LPAR5: variants seen among roughly 807,000 people sequenced by gnomAD.
LPAR5 encodes G protein-coupled receptor 92.
For synonymous variants in LPAR5, 271 were observed against 261.6 expected (o/e 1.04, Z -0.35); for missense variants, 544 against 521.8 (o/e 1.04, Z -0.41).
chr12:6,627,731 G>A (rs1041026622), intron 1 of LPAR5, among the ~76,000 whole-genome samples: 19 of 151,878 alleles, frequency 1.3e-4, no homozygotes, highest in Non-Finnish European at 1.6e-4. Flanking sequence ...GGGTGGGAGC[G>A]CACCTTGCAG....
At chr12:6,629,668 C>T (rs1158480369) in intron 1 of LPAR5, among the ~76,000 whole-genome samples, 6 of 144,962 alleles carry the variant, frequency 4.1e-5, no homozygotes, top group African/African-American at 7.7e-5. Context: ...AGTGAGACTC[C>T]GTCAAAAAAA....
intron 1 of LPAR5, among the ~76,000 whole-genome samples, chr12:6,632,234 G>C (rs1211258922): frequency 6.6e-6 from 1 of 152,106 alleles, no homozygotes; most frequent in Non-Finnish European, 1.5e-5. Context: ...GCCACCCAAA[G>C]TGCTGGAATT....
intron 1 of LPAR5, among the ~76,000 whole-genome samples, chr12:6,630,418 C>T (rs1948973576): frequency 1.5e-5 from 2 of 130,342 alleles, no homozygotes; most frequent in Non-Finnish European, 1.6e-5. Flanking sequence ...GAGTGAACCA[C>T]TGCACCCAGC....
intron 1 of LPAR5, among the ~76,000 whole-genome samples, chr12:6,623,544 A>G (rs1948911705): frequency 6.6e-6 from 1 of 151,492 alleles, no homozygotes. Flanking sequence ...AAAAAATGAG[A>G]GAGAGAGAGA....
Position 6,620,763 on chromosome 12 carries a change from G to C in LPAR5, c.486C>G (p.Pro162=), listed in dbSNP as rs1948887522. 1 of 1,591,698 alleles carries C rather than the reference G, an allele frequency of 6.3e-7. No individual in the cohort carries two copies. Among genetic ancestry groups the C allele is most frequent in the Admixed American group, 1.7e-5 (1 of 57,188 alleles). ...CGAGGTCCCGGTAGCGGCAACGCGA[G>C]GGCCTGTGCACGCGGGCGGCGGGCA... ...FAVPAARVHR[P]SRCRYRDLEV... is the part of the protein sequence containing the mutation. The change falls in exon 2 of 2, where the codon CCC becomes CCG. Residue 162 remains proline, a synonymous_variant. Transcript: ENST00000329858. This position sits in a 1 kb window ranked among gnomAD's most constrained non-coding sequence, Gnocchi z 6.8.
intron 1 of LPAR5, among the ~76,000 whole-genome samples, chr12:6,624,457 G>A (rs1948919601): frequency 6.6e-6 from 1 of 151,334 alleles, no homozygotes; most frequent in Non-Finnish European, 1.5e-5. Context: ...TTCAGCTTCT[G>A]GTTCTAGTCT....
intron 1 of LPAR5, among the ~76,000 whole-genome samples, chr12:6,628,300 C>A (rs1223364591): frequency 6.6e-6 from 1 of 152,088 alleles, no homozygotes; most frequent in African/African-American, 2.4e-5. Flanking sequence ...GGATTACAGG[C>A]GTGAGCCACC....
In LPAR5 at chr12:6,631,751, C is replaced by G. The variant is rs551886681; in HGVS notation, c.-217+4156G>C. ...GTGCAATCATGATCATTCCCTCACT[C>G]TCCTCCACACACCCTGCCCTGGTAT... is the stretch of plus-strand genomic sequence containing the variant. On this transcript the variant is annotated intron_variant, in intron 1 of 1. Coordinates refer to ENST00000329858, the MANE Select transcript of LPAR5 (RefSeq NM_020400.6). 5 of 152,342 alleles carry G rather than the reference C, an allele frequency of 3.3e-5. No individual in the cohort carries two copies. In the East Asian group the frequency reaches 9.7e-4, roughly 29 times the overall value. The allele number at this position is 152,342 out of a possible 1,614,324, so 9.4% of individuals were successfully genotyped here.
rs1458158623 is a variant in LPAR5 at position 6,620,542 on chromosome 12, A to C, written c.707T>G (p.Leu236Arg). 3.8e-6 allele frequency: 6 copies of C among 1,567,156 alleles called. No homozygotes were observed. The highest frequency in any genetic ancestry group is 1.4e-5 in the African/African-American group (1 of 73,820). ...CAGGAAGATGACGAGGTTAGCCAGCAGGAGGCGCACGGTCTTCCGCCGCCG... is the reference window on the plus strand; with the variant it reads ...CAGGAAGATGACGAGGTTAGCCAGCCGGAGGCGCACGGTCTTCCGCCGCCG... ...SQRRRKTVRL[L>R]LANLVIFLLC... Residue 236 changes from leucine to arginine, a missense_variant, in exon 2 of 2, where the codon CTG becomes CGG. By Grantham distance (102) the Leu-to-Arg change is moderately radical. Coordinates refer to ENST00000329858, the MANE Select transcript of LPAR5 (RefSeq NM_020400.6). This position sits in a 1 kb window ranked among gnomAD's most constrained non-coding sequence, Gnocchi z 6.8.
intron 1 of LPAR5, among the ~76,000 whole-genome samples, chr12:6,634,162 T>C (rs1048231500): frequency 1.3e-5 from 2 of 152,154 alleles, no homozygotes; most frequent in Admixed American, 6.5e-5. Context: ...CGTGCCACCG[T>C]GCCCAACTAA....
chr12:6,625,023 T>C (rs1416128685), intron 1 of LPAR5, among the ~76,000 whole-genome samples: 1 of 152,232 alleles, frequency 6.6e-6, no homozygotes, highest in Non-Finnish European at 1.5e-5. Context: ...CTTTTGGCTA[T>C]TGTGAATAAT....
chr12:6,629,195 G>A, intron 1 of LPAR5, among the ~76,000 whole-genome samples: 1 of 150,648 alleles, frequency 6.6e-6, no homozygotes, highest in African/African-American at 2.4e-5. Flanking sequence ...GGCCAACATG[G>A]TGAAACCTCA....
At chr12:6,624,407 A>G (rs748936575) in intron 1 of LPAR5, among the ~76,000 whole-genome samples, 3 of 152,228 alleles carry the variant, frequency 2.0e-5, no homozygotes, top group Non-Finnish European at 2.9e-5. Context: ...ACCAAGCAAC[A>G]ACTCTGCAGT....
rs766002616 is a variant in LPAR5, at chr12:6,620,528, C to A, written c.721G>T (p.Val241Phe). 6.3e-7 allele frequency: 1 copy of A among 1,575,942 alleles called. No homozygotes were observed. Among genetic ancestry groups the A allele is most frequent in the East Asian group, 2.3e-5 (1 of 42,890 alleles). The change falls in exon 2 of 2, where the codon GTC (valine) becomes TTC (phenylalanine). Residue 241 changes from valine (V) to phenylalanine (F), a missense_variant. By Grantham distance (50) the Val-to-Phe change is conservative. Coordinates refer to ENST00000329858, the MANE Select transcript of LPAR5 (RefSeq NM_020400.6). This position sits in a 1 kb window ranked among gnomAD's most constrained non-coding sequence, Gnocchi z 6.8. ...KTVRLLLANL[V>F]IFLLCFVPYN... ...GGCACGAAGCACAGCAGGAAGATGA[C>A]GAGGTTAGCCAGCAGGAGGCGCACG... is the stretch of plus-strand genomic sequence containing the variant.
At position 6,620,544 on chromosome 12, in the gene LPAR5, G is replaced by A; in HGVS notation, c.705C>T (p.Leu235=). 6.4e-7 allele frequency: 1 copy of A among 1,565,066 alleles called. No homozygotes were observed. The part of the protein sequence containing the change: ...QSQRRRKTVR[L]LLANLVIFLL... Reference sequence around the variant, plus strand: ...GGAAGATGACGAGGTTAGCCAGCAGGAGGCGCACGGTCTTCCGCCGCCGCT... The same window carrying A: ...GGAAGATGACGAGGTTAGCCAGCAGAAGGCGCACGGTCTTCCGCCGCCGCT... The change falls in exon 2 of 2, where the codon CTC becomes CTT. Residue 235 remains leucine, a synonymous_variant. Transcript: ENST00000329858. This position sits in a 1 kb window ranked among gnomAD's most constrained non-coding sequence, Gnocchi z 6.8.
rs941631139 is a variant in LPAR5 at position 6,619,503 on chromosome 12, A to T, written c.*627T>A. On this transcript the variant is annotated 3_prime_UTR_variant, in exon 2 of 2. Coordinates refer to ENST00000329858, the MANE Select transcript of LPAR5 (RefSeq NM_020400.6). ...AAGGGTTTGGACTTGGATGTTGTTG[A>T]GGGGGAAACTCTAAGTTAGTTTTGC... 9 of 161,396 alleles carry T rather than the reference A, an allele frequency of 5.6e-5. No individual in the cohort carries two copies. The highest frequency in any genetic ancestry group is 1.2e-4 in the Non-Finnish European group (9 of 73,220). The allele number at this position is 161,396 out of a possible 1,614,324, so 10.0% of individuals were successfully genotyped here. A position where few individuals can be genotyped will look rare whatever the true frequency, so the allele number is the denominator to read the frequency against.
chr12:6,620,895 G>T lies in LPAR5; in HGVS notation c.354C>A (p.Asp118Glu). The stretch of plus-strand genomic sequence containing the variant: ...GCGGGTGCACGATGGCGGCGTAGCG[G>T]TCCACGTTGATGAGCATCAGGAAGA... ...SCIFLMLINV[D>E]RYAAIVHPLR... The change falls in exon 2 of 2, where the codon GAC (aspartate) becomes GAA (glutamate). Residue 118 changes from aspartate to glutamate, a missense_variant. Transcript: ENST00000329858. This position sits in a 1 kb window ranked among gnomAD's most constrained non-coding sequence, Gnocchi z 6.8. 7 of 1,586,248 alleles carry T rather than the reference G, an allele frequency of 4.4e-6. No homozygotes were observed. The highest frequency in any genetic ancestry group is 6.0e-6 in the Non-Finnish European group (7 of 1,166,846).
chr12:6,633,559 C>CT (rs1948994163), intron 1 of LPAR5, among the ~76,000 whole-genome samples: 1 of 152,056 alleles, frequency 6.6e-6, no homozygotes, highest in African/African-American at 2.4e-5. Flanking sequence ...ACTACAGGCG[C>CT]CCGCCACCAC....
Position 6,621,255 on chromosome 12 carries a change from A to G in LPAR5, c.-7T>C. The G allele has an allele frequency of 6.7e-7, 1 of 1,499,628 alleles. No individual in the cohort carries two copies. The highest frequency in any genetic ancestry group is 8.9e-7 in the Non-Finnish European group (1 of 1,124,604). The allele number at this position is 1,499,628 out of a possible 1,614,324, so 92.9% of individuals were successfully genotyped here. ...AGGAGCTGTTGGCTAACATCGTGCCAAAGTGGGATTGGGAGCTAGGCTGGG... is the reference window on the plus strand; with the variant it reads ...AGGAGCTGTTGGCTAACATCGTGCCGAAGTGGGATTGGGAGCTAGGCTGGG... On this transcript the variant is annotated 5_prime_UTR_variant, in exon 2 of 2. Transcript: ENST00000329858.
Sources: allele counts gnomAD v4.1 joint callset (sites outside exome capture counted in the v4.1 genomes callset), GRCh38; gene constraint gnomAD v4.1.1; non-coding constraint Gnocchi (gnomAD v3.1); transcripts MANE v1.5; gene names NCBI Gene and HGNC (gene_info 2026-07-23, HGNC 2026-07-21).